Variants in POTEE observed in about 807,000 individuals in gnomAD.
POTEE encodes the protein POTE ankyrin domain family member E.
In POTEE, 21 loss-of-function variants were observed where a neutral mutation model predicts 74.2. That is an observed-to-expected ratio of 0.28 (90% confidence interval 0.20 to 0.41). POTEE has a LOEUF of 0.41. Among genes scored for constraint, POTEE ranks in the 10% least tolerant of loss-of-function variants. The pLI is 1.00. For missense variants in POTEE, 525 were observed against 1,158.6 expected (o/e 0.45, Z 7.94); for synonymous variants, 211 against 432.8 (o/e 0.49, Z 6.36).
chr2:131,230,425 T>C (rs1306884893), intron 8 of POTEE, among the ~76,000 whole-genome samples: 2 of 152,188 alleles, frequency 1.3e-5, no homozygotes, highest in Non-Finnish European at 2.9e-5. Context: ...AAAAATGTTA[T>C]CTCGTTAAAC....
chr2:131,229,412 T>C (rs1194081138), intron 8 of POTEE, among the ~76,000 whole-genome samples: 1 of 152,152 alleles, frequency 6.6e-6, no homozygotes, highest in African/African-American at 2.4e-5. Flanking sequence ...GCCCCTTGAG[T>C]GATCTGATTT....
intron 4 of POTEE, among the ~76,000 whole-genome samples, chr2:131,223,361 C>G (rs1007503234): frequency 3.4e-5 from 5 of 148,978 alleles, no homozygotes; most frequent in African/African-American, 5.2e-5. Flanking sequence ...AGGATTCCAG[C>G]CCACGTTGAA....
chr2:131,219,597 T>C (rs1287040331), intron 4 of POTEE, among the ~76,000 whole-genome samples: 7 of 151,992 alleles, frequency 4.6e-5, no homozygotes, highest in Non-Finnish European at 7.4e-5. Context: ...ATTAGCTGGG[T>C]GCGGTCGTAG....
At chr2:131,239,824 C>A (rs1398497777) in intron 12 of POTEE, among the ~76,000 whole-genome samples, 23 of 152,264 alleles carry the variant, frequency 1.5e-4, no homozygotes, top group Non-Finnish European at 2.9e-4. Flanking sequence ...TCGTCTCCCT[C>A]CCGCGACGCT....
At chr2:131,221,392 T>C (rs1459954545) in intron 4 of POTEE, among the ~76,000 whole-genome samples, 1 of 152,192 alleles carries the variant, frequency 6.6e-6, no homozygotes, top group Admixed American at 6.5e-5. Context: ...CAGAATCTGC[T>C]CGTGTTAGCT....
At chr2:131,226,682 G>C (rs1700789010) in intron 6 of POTEE, 141 bp from the exon 7 acceptor site, 1 of 1,338,468 alleles carries the variant, frequency 7.5e-7, no homozygotes, top group South Asian at 1.4e-5. Flanking sequence ...GGAAAGCACA[G>C]AAGAGTGAGA....
chr2:131,237,751 G>A (rs1195184947), intron 10 of POTEE, among the ~76,000 whole-genome samples: 52 of 152,302 alleles, frequency 3.4e-4, no homozygotes, highest in Admixed American at 1.9e-3. Flanking sequence ...AAGCACTTCA[G>A]TGCACTGTAG....
At chr2:131,229,279 G>A (rs1055266982) in intron 8 of POTEE, among the ~76,000 whole-genome samples, 2 of 152,130 alleles carry the variant, frequency 1.3e-5, no homozygotes, top group African/African-American at 4.8e-5. Flanking sequence ...GCAGAAAGAG[G>A]TCAGTGTTTG....
At chr2:131,210,065 A>T (rs1396222673) in intron 1 of POTEE, among the ~76,000 whole-genome samples, 1 of 17,768 alleles carries the variant, frequency 5.6e-5, no homozygotes, top group Non-Finnish European at 1.1e-4. Context: ...GTGGCGGGGG[A>T]GGGGTTAGGG....
At position 131,219,431 on chromosome 2, in the gene POTEE, T is replaced by C. The variant is rs533000897; in HGVS notation, c.521+508T>C. 6.7e-4 allele frequency among the ~76,000 whole-genome samples: 102 copies of C among 151,830 alleles called. 1 individual carries two copies. The highest frequency in any genetic ancestry group is 1.9e-3 in the African/African-American group (80 of 41,324). On this transcript the variant is annotated intron_variant, in intron 4 of 17. Coordinates refer to ENST00000683005, the MANE Select transcript of POTEE (RefSeq NM_001083538.3). ...TGGTTCCTGTGCTTGAACAGGAAGATTGAATTTTCTTAAGATGTGAGCTTT... is the reference window on the plus strand; with the variant it reads ...TGGTTCCTGTGCTTGAACAGGAAGACTGAATTTTCTTAAGATGTGAGCTTT...
intron 9 of POTEE, among the ~76,000 whole-genome samples, chr2:131,236,075 C>T (rs1701122723): frequency 6.6e-6 from 1 of 150,922 alleles, no homozygotes; most frequent in Admixed American, 6.6e-5. Context: ...GGCAAGCTTA[C>T]AGAAGCAGAA....
At chr2:131,235,332 T>G (rs1363678315) in intron 9 of POTEE, among the ~76,000 whole-genome samples, 19 of 152,186 alleles carry the variant, frequency 1.2e-4, no homozygotes, top group Admixed American at 1.2e-3. Context: ...TCCTCTGCAG[T>G]CTTGGAGCAG....
intron 4 of POTEE, among the ~76,000 whole-genome samples, chr2:131,222,386 C>G (rs1376728877): frequency 2.6e-5 from 4 of 151,788 alleles, no homozygotes; most frequent in African/African-American, 7.3e-5. Flanking sequence ...TAGAGGGAAG[C>G]AGCACACACT....
At chr2:131,211,353 G>C (rs1458664098) in intron 2 of POTEE, among the ~76,000 whole-genome samples, 170 bp downstream of exon 2, 3 of 151,556 alleles carry the variant, frequency 2.0e-5, no homozygotes, top group Non-Finnish European at 4.4e-5. Context: ...GACCTGGGGT[G>C]GGGAGGAACC....
intron 6 of POTEE, among the ~76,000 whole-genome samples, chr2:131,225,245 T>C (rs912762546): frequency 6.6e-6 from 1 of 152,104 alleles, no homozygotes; most frequent in Admixed American, 6.5e-5. Context: ...TATGTATATT[T>C]GAAAATGTTT....
intron 2 of POTEE, among the ~76,000 whole-genome samples, chr2:131,214,353 A>G (rs1700411377): frequency 1.3e-5 from 2 of 152,250 alleles, no homozygotes. Flanking sequence ...TGAAGGAAAG[A>G]AATGTTATAT....
At chr2:131,217,917 A>G (rs2105064159) in intron 3 of POTEE, 1 of 218,284 alleles carries the variant, frequency 4.6e-6, no homozygotes, top group Non-Finnish European at 9.0e-6. Flanking sequence ...GCTGGCCTGT[A>G]ATGGCTTGCA....
At chr2:131,226,155 C>T (rs995469505) in intron 6 of POTEE, among the ~76,000 whole-genome samples, 6 of 151,480 alleles carry the variant, frequency 4.0e-5, no homozygotes, top group Non-Finnish European at 5.9e-5. Context: ...GTATGTAGAG[C>T]TTTGGCATAA....
chr2:131,228,752 G>A (rs1700857435), intron 8 of POTEE, among the ~76,000 whole-genome samples: 1 of 146,826 alleles, frequency 6.8e-6, no homozygotes, highest in African/African-American at 2.7e-5. Context: ...TGTCTTCTGG[G>A]GACTATGTCC....
Sources: allele counts gnomAD v4.1 joint callset (sites outside exome capture counted in the v4.1 genomes callset), GRCh38; gene constraint gnomAD v4.1.1; transcripts MANE v1.5; gene names NCBI Gene and HGNC (gene_info 2026-07-23, HGNC 2026-07-21).